Variants in DNAJB1 observed in about 807,000 individuals in gnomAD.
DNAJB1 encodes the protein DnaJ heat shock protein family (Hsp40) member B1, also known as dnaJ homolog subfamily B member 1.
In DNAJB1, 14 loss-of-function variants were observed where a neutral mutation model predicts 24.0. The observed-to-expected ratio is 0.58, with a 90% CI of 0.39 to 0.91. The LOEUF is 0.91. DNAJB1 is among the 40% of genes least tolerant of loss of function. The pLI, the probability that DNAJB1 is intolerant of heterozygous loss-of-function variation, is 0.00. For synonymous variants in DNAJB1, 262 were observed against 174.4 expected, an observed-to-expected ratio of 1.50 and a Z score of -3.96; for missense variants, 517 against 458.1, an observed-to-expected ratio of 1.13 and a Z score of -1.17.
Position 14,515,744 on chromosome 19 carries a change from G to A in DNAJB1, c.*196C>T, listed in dbSNP as rs1344575540. The A allele has an allele frequency of 3.6e-6, 2 of 563,336 alleles. No individual in the cohort carries two copies. Among genetic ancestry groups the A allele is most frequent in the Non-Finnish European group, 6.1e-6 (2 of 327,818 alleles). 34.9% of individuals were successfully genotyped at this position (563,336 alleles called of 1,614,324 possible). A position where few individuals can be genotyped will look rare whatever the true frequency, so the allele number is the denominator to read the frequency against. On this transcript the variant is annotated 3_prime_UTR_variant, in exon 3 of 3. Coordinates refer to ENST00000254322, the MANE Select transcript of DNAJB1 (RefSeq NM_006145.3). ...TTTCCTGCTGTTCCCACCACCTGAT[G>A]CCCTATAGCTCGAAAAACCACTGAA...
At chr19:14,559,260 G>T (rs1490886348) in intron 1 of DNAJB1, among the ~76,000 whole-genome samples, 1 of 152,094 alleles carries the variant, frequency 6.6e-6, no homozygotes, top group African/African-American at 2.4e-5. Flanking sequence ...TCATTGTGCA[G>T]CCTCCACCTC....
chr19:14,518,148 C>G lies in DNAJB1; in HGVS notation c.202G>C (p.Gly68Arg). 6.4e-7 allele frequency: 1 copy of G among 1,571,064 alleles called. No individual in the cohort carries two copies. The highest frequency in any genetic ancestry group is 8.6e-7 in the Non-Finnish European group (1 of 1,160,120). Reference protein sequence around the residue: ...PRKREIFDRYGEEGLKGSGPS... With the variant: ...PRKREIFDRYREEGLKGSGPS... ...GGCCGCGAGCACACACCTTCCTCCC[C>G]GTAGCGGTCGAAGATCTCGCGCTTG... Residue 68 changes from glycine to arginine, a missense_variant, in exon 1 of 3, where the codon GGG becomes CGG. By Grantham distance (125) the Gly-to-Arg change is moderately radical. Transcript: ENST00000254322.
chr19:14,549,954 T>A (rs532104580), intron 1 of DNAJB1, among the ~76,000 whole-genome samples: 4 of 150,662 alleles, frequency 2.7e-5, no homozygotes, highest in Admixed American at 6.6e-5. Flanking sequence ...AAAAAAAAAA[T>A]AAAAAAAATA....
chr19:14,555,438 CTTTTTTT>C (rs747503834), intron 1 of DNAJB1, among the ~76,000 whole-genome samples: 13 of 92,902 alleles, frequency 1.4e-4, no homozygotes, highest in East Asian at 3.2e-4. Context: ...TTTATTTATT[CTTTTTTT>C]TTTTTTTTTT....
In DNAJB1 at chr19:14,516,757, G is replaced by C. The variant is rs368973570; in HGVS notation, c.501C>G (p.Asp167Glu). ...RKKQDPPVTH[D>E]LRVSLEEIYS... ...AGATCTCTTCAAGGGAGACTCGAAGGTCGTGGGTGACTGGGGGATCTTGCT... is the reference window on the plus strand; with the variant it reads ...AGATCTCTTCAAGGGAGACTCGAAGCTCGTGGGTGACTGGGGGATCTTGCT... Residue 167 changes from aspartate to glutamate, a missense_variant, in exon 2 of 3, where the codon GAC becomes GAG. Coordinates refer to ENST00000254322, the MANE Select transcript of DNAJB1 (RefSeq NM_006145.3). 21 of 1,613,816 alleles carry C rather than the reference G, an allele frequency of 1.3e-5. No individual in the cohort carries two copies. Among genetic ancestry groups the C allele is most frequent in the Non-Finnish European group, 1.8e-5 (21 of 1,180,004 alleles).
intron 1 of DNAJB1, among the ~76,000 whole-genome samples, chr19:14,544,215 C>T (rs1166596511): frequency 6.6e-6 from 1 of 151,806 alleles, no homozygotes; most frequent in Non-Finnish European, 1.5e-5. Flanking sequence ...CTCACCCAGG[C>T]CACACTCATC....
At chr19:14,529,469 C>T (rs1404007389), upstream of DNAJB1, 10 of 665,188 alleles carry the variant, frequency 1.5e-5, no homozygotes, top group Middle Eastern at 3.9e-4. Flanking sequence ...GGTCAATCCC[C>T]TGGTGCTAGT....
At chr19:14,529,014 G>A (rs1488908621) in intron 1 of DNAJB1, 1 of 153,692 alleles carries the variant, frequency 6.5e-6, no homozygotes, top group Non-Finnish European at 1.5e-5. Context: ...ACCCCAGAAT[G>A]GGGCTGGGGC....
upstream of DNAJB1, among the ~76,000 whole-genome samples, chr19:14,551,946 CCTCTCTCT>C (rs71166756): frequency 1.8e-4 from 13 of 71,250 alleles, no homozygotes; most frequent in South Asian, 7.3e-4. Context: ...TCCCTCCCTC[CCTCTCTCT>C]CTCTCTCTCT....
intron 1 of DNAJB1, among the ~76,000 whole-genome samples, chr19:14,534,894 C>T (rs1264520210): frequency 6.6e-6 from 1 of 152,180 alleles, no homozygotes; most frequent in Non-Finnish European, 1.5e-5. Context: ...CAGTTTTGTC[C>T]ACACTGATGG....
At chr19:14,517,394 T>C in intron 1 of DNAJB1, 1 of 237,918 alleles carries the variant, frequency 4.2e-6, no homozygotes, top group Non-Finnish European at 8.2e-6. Flanking sequence ...GGTAAGTGTT[T>C]ACTCTCAACG....
At chr19:14,558,583 A>G (rs2073812923) in intron 1 of DNAJB1, among the ~76,000 whole-genome samples, 1 of 152,090 alleles carries the variant, frequency 6.6e-6, no homozygotes, top group South Asian at 2.1e-4. Context: ...CGGCAGAGCC[A>G]CCAGCCTGTG....
upstream of DNAJB1, among the ~76,000 whole-genome samples, chr19:14,551,633 A>G (rs763439562): frequency 6.6e-6 from 1 of 152,050 alleles, no homozygotes; most frequent in African/African-American, 2.4e-5. Flanking sequence ...AGGCATTGCC[A>G]CAGCTGTAAA....
Position 14,518,355 on chromosome 19 carries a change from C to T in DNAJB1, c.-6G>A, listed in dbSNP as rs759494268. 14 of 1,549,872 alleles carry T rather than the reference C, an allele frequency of 9.0e-6. No individual in the cohort carries two copies. The South Asian group carries it at 1.2e-4, about 13-fold the overall frequency. On this transcript the variant is annotated 5_prime_UTR_variant, in exon 1 of 3. Coordinates refer to ENST00000254322, the MANE Select transcript of DNAJB1 (RefSeq NM_006145.3). Reference sequence around the variant, plus strand: ...TGGTAGTAGTCTTTACCCATGACCCCCTCCTGCGGCCCGCCGACCCGCTGT... The same window carrying T: ...TGGTAGTAGTCTTTACCCATGACCCTCTCCTGCGGCCCGCCGACCCGCTGT...
intron 2 of DNAJB1, among the ~76,000 whole-genome samples, chr19:14,525,785 A>C (rs1168605193): frequency 2.6e-5 from 4 of 151,800 alleles, no homozygotes; most frequent in Non-Finnish European, 5.9e-5. Context: ...ATTTTACTAC[A>C]TGTCAATTAC....
upstream of DNAJB1, among the ~76,000 whole-genome samples, chr19:14,521,456 AAATAATAATAATAAT>A (rs111596555): frequency 3.0e-4 from 43 of 143,118 alleles, no homozygotes; most frequent in South Asian, 9.0e-3. Flanking sequence ...GAGAGTTTCA[AAATAATAATAATAAT>A]AATAATAATA....
At chr19:14,526,022 C>T (rs1469872393) in intron 2 of DNAJB1, among the ~76,000 whole-genome samples, 1 of 152,100 alleles carries the variant, frequency 6.6e-6, no homozygotes, top group East Asian at 1.9e-4. Flanking sequence ...CAAGATCCGA[C>T]CTGATCTGCC....
At chr19:14,557,774 G>C (rs1240412855) in intron 1 of DNAJB1, among the ~76,000 whole-genome samples, 1 of 141,432 alleles carries the variant, frequency 7.1e-6, no homozygotes, top group Admixed American at 7.3e-5. Context: ...CTTTTTTTTT[G>C]AGATGGAGTC....
intron 1 of DNAJB1, among the ~76,000 whole-genome samples, chr19:14,547,395 C>G (rs899850811): frequency 6.6e-6 from 1 of 152,042 alleles, no homozygotes; most frequent in African/African-American, 2.4e-5. Flanking sequence ...GAGTCTCAGT[C>G]TGTTGCCCAG....
Sources: gnomAD v4.1 joint callset for allele counts (sites outside exome capture counted in the v4.1 genomes callset) on GRCh38, gnomAD v4.1.1 for gene constraint, MANE v1.5 for transcripts, NCBI Gene and HGNC (gene_info 2026-07-23, HGNC 2026-07-21) for gene names.